Variants in SYN2 observed in about 807,000 individuals in gnomAD.
SYN2 encodes synapsin II.
SYN2 carries 19 observed loss-of-function variants against 50.9 expected under a neutral mutation model. The ratio of observed to expected loss-of-function variants is 0.37; its 90% confidence interval spans 0.26 to 0.55. The LOEUF (loss-of-function observed/expected upper bound fraction) is 0.55, where lower values mean the gene tolerates loss of function less well. Among genes scored for constraint, SYN2 ranks in the 20% least tolerant of loss-of-function variants. SYN2 has a pLI of 0.81. For synonymous variants in SYN2, 255 were observed against 224.9 expected, an observed-to-expected ratio of 1.13 and a Z score of -1.20; for missense variants, 587 against 576.4, an observed-to-expected ratio of 1.02 and a Z score of -0.19.
At chr3:12,030,599 A>T (rs1267614139) in intron 1 of SYN2, among the ~76,000 whole-genome samples, 1 of 150,692 alleles carries the variant, frequency 6.6e-6, no homozygotes, top group Admixed American at 6.6e-5. Context: ...TTCCTGGTTT[A>T]GTCTTGGGAG....
intron 1 of SYN2, among the ~76,000 whole-genome samples, chr3:12,089,699 T>C (rs1227781728): frequency 2.0e-5 from 3 of 152,170 alleles, no homozygotes; most frequent in Admixed American, 1.3e-4. Flanking sequence ...TTTGGAGGAA[T>C]CCTGGGTTAT....
chr3:12,185,243 G>C, intron 11 of SYN2: 1 of 985,802 alleles, frequency 1.0e-6, no homozygotes, highest in Non-Finnish European at 1.2e-6. Context: ...ACATTTCCCA[G>C]AATGGAGGAA....
chr3:12,128,327 T>C (rs982467172), intron 1 of SYN2, among the ~76,000 whole-genome samples: 1 of 152,164 alleles, frequency 6.6e-6, no homozygotes, highest in African/African-American at 2.4e-5. Context: ...TCCTGTTATA[T>C]CACTTAGGGA....
rs192788364 is a variant in SYN2, at chr3:12,183,502, C to T, written c.1369+130C>T. The T allele has an allele frequency of 9.7e-4, 1,532 of 1,587,426 alleles. 1 individual carries two copies. The highest frequency in any genetic ancestry group is 1.3e-3 in the Non-Finnish European group (1,462 of 1,167,716). ...AAGCCAAAAACAAACGAAAGGAAAGCGGGGAGGGGAAAACAGACCCTCCCA... is the reference window on the plus strand; with the variant it reads ...AAGCCAAAAACAAACGAAAGGAAAGTGGGGAGGGGAAAACAGACCCTCCCA... On this transcript the variant is annotated intron_variant, in intron 11 of 12. Coordinates refer to ENST00000621198, the MANE Select transcript of SYN2 (RefSeq NM_133625.6).
chr3:12,059,798 G>T (rs920348825), intron 1 of SYN2, among the ~76,000 whole-genome samples: 2 of 152,000 alleles, frequency 1.3e-5, no homozygotes, highest in African/African-American at 4.8e-5. Flanking sequence ...CATGCTTGGC[G>T]GGGGGCCCAC....
At chr3:12,165,370 T>C (rs1697758655) in intron 7 of SYN2, 1 of 152,230 alleles carries the variant, frequency 6.6e-6, no homozygotes, top group South Asian at 2.1e-4. Flanking sequence ...AAATTTGTGA[T>C]TGAAAGGTTC....
At position 12,187,740 on chromosome 3, in the gene SYN2, T is replaced by C. The variant is rs1042064341; in HGVS notation, c.1613+128T>C. The C allele has an allele frequency of 4.6e-6, 6 of 1,302,132 alleles. No individual in the cohort carries two copies. In the African/African-American group the frequency reaches 7.5e-5, roughly 16 times the overall value. The allele number at this position is 1,302,132 out of a possible 1,614,324, so 80.7% of individuals were successfully genotyped here. On this transcript the variant is annotated intron_variant, in intron 12 of 12. Coordinates refer to ENST00000621198, the MANE Select transcript of SYN2 (RefSeq NM_133625.6). ...ACAGATATTTTGTGATGGGATTTGGTTTTTTTTTGTTAGTTTGTTTTTGGT... is the reference window on the plus strand; with the variant it reads ...ACAGATATTTTGTGATGGGATTTGGCTTTTTTTTGTTAGTTTGTTTTTGGT...
At chr3:12,053,724 C>T (rs1215010159) in intron 1 of SYN2, among the ~76,000 whole-genome samples, 2 of 152,092 alleles carry the variant, frequency 1.3e-5, no homozygotes, top group Admixed American at 1.3e-4. Flanking sequence ...ATTTTTATAA[C>T]TCTCAAATTG....
At chr3:12,151,856 CTG>C (rs1446387910) in intron 5 of SYN2, among the ~76,000 whole-genome samples, 3 of 152,208 alleles carry the variant, frequency 2.0e-5, no homozygotes, top group Admixed American at 1.3e-4. Context: ...GCTTCCACAA[CTG>C]TGATAAGGCT....
chr3:12,048,062 G>A (rs1346999283), intron 1 of SYN2, among the ~76,000 whole-genome samples: 1 of 152,094 alleles, frequency 6.6e-6, no homozygotes, highest in Non-Finnish European at 1.5e-5. Context: ...TGTTTCTAGG[G>A]TTTTGAGCAT....
rs184504448 is a variant in SYN2, at chr3:12,080,840, C to G, written c.378-59811C>G. Among the ~76,000 whole-genome samples the G allele has an allele frequency of 5.0e-3, 768 of 152,162 alleles. 6 individuals are homozygous for G. The highest frequency in any genetic ancestry group is 7.9e-3 in the Non-Finnish European group (536 of 67,958). ...AGGTCCACTTGATCCAGAGCTGAGT[C>G]CAAGTCCTGAATATCTTTGTTAATT... On this transcript the variant is annotated intron_variant, in intron 1 of 12. Coordinates refer to ENST00000621198, the MANE Select transcript of SYN2 (RefSeq NM_133625.6).
intron 11 of SYN2, chr3:12,185,763 A>C (rs142957559): frequency 3.6e-5 from 35 of 985,858 alleles, no homozygotes; most frequent in Non-Finnish European, 3.7e-5. Flanking sequence ...TGGCTATCCA[A>C]GTATCTGCAC....
rs1234842474 is a variant in SYN2 at position 12,092,763 on chromosome 3, C to T, written c.378-47888C>T. ...TTCAAAATGTTTTGTATAGTTGGTA[C>T]ACAATTAATGTTTGTTGATTGACCA... On this transcript the variant is annotated intron_variant, in intron 1 of 12. Transcript: ENST00000621198. Among the ~76,000 whole-genome samples, 3 of 152,120 alleles carry T rather than the reference C, an allele frequency of 2.0e-5. No homozygotes were observed. The East Asian group carries it at 5.8e-4, about 29-fold the overall frequency.
At position 12,167,216 on chromosome 3, in the gene SYN2, G is replaced by C. The variant is rs769964863; in HGVS notation, c.981-18G>C. On this transcript the variant is annotated intron_variant, in intron 7 of 12. Transcript: ENST00000621198. ...TGTGGCTCACTGCCTGTCCTATCCT[G>C]GTGGGATCTTGTTGCAGGAGGACAT... The C allele has an allele frequency of 8.1e-6, 13 of 1,610,674 alleles. No homozygotes were observed. Among genetic ancestry groups the C allele is most frequent in the African/African-American group, 1.3e-5 (1 of 74,994 alleles).
At chr3:12,158,549 G>T (rs1217989972) in intron 5 of SYN2, 7 of 1,140,246 alleles carry the variant, frequency 6.1e-6, no homozygotes, top group Admixed American at 2.4e-5. Context: ...TTGCTATGGC[G>T]CCTGGTCCTT....
intron 7 of SYN2, among the ~76,000 whole-genome samples, chr3:12,166,981 G>A (rs969228979): frequency 2.6e-5 from 4 of 152,222 alleles, no homozygotes; most frequent in Admixed American, 6.5e-5. Context: ...AAGGTCATCC[G>A]GTTGAGAGAT....
intron 1 of SYN2, among the ~76,000 whole-genome samples, chr3:12,113,504 C>G (rs1182806738): frequency 1.3e-5 from 2 of 152,082 alleles, no homozygotes; most frequent in African/African-American, 4.8e-5. Flanking sequence ...TTAAGGTGTA[C>G]AATCCGGTGC....
At chr3:12,156,493 A>G (rs947346321) in intron 5 of SYN2, among the ~76,000 whole-genome samples, 2 of 152,194 alleles carry the variant, frequency 1.3e-5, no homozygotes, top group African/African-American at 4.8e-5. Context: ...TAGAGAGGAG[A>G]CTTCGACTCA....
intron 1 of SYN2, among the ~76,000 whole-genome samples, chr3:12,085,086 C>T (rs79622161): frequency 0.038 from 5,078 of 134,912 alleles, 268 homozygotes; most frequent in African/African-American, 0.13. Context: ...TCTAATCAAA[C>T]GGCATTGAAT....
Sources: allele counts gnomAD v4.1 joint callset (sites outside exome capture counted in the v4.1 genomes callset), GRCh38; gene constraint gnomAD v4.1.1; transcripts MANE v1.5; gene names NCBI Gene and HGNC (gene_info 2026-07-23, HGNC 2026-07-21).